RGS6: variants seen among roughly 807,000 people sequenced by gnomAD.
RGS6 encodes regulator of G protein signaling 6, also known as regulator of G-protein signaling 6.
In RGS6, 30 loss-of-function variants were observed where a neutral mutation model predicts 78.5. That is an observed-to-expected ratio of 0.38 (90% CI 0.29 to 0.52). The LOEUF is 0.52. RGS6 is among the 20% of genes least tolerant of loss of function. RGS6 has a pLI of 0.85. For synonymous variants in RGS6, 206 were observed against 206.0 expected (o/e 1.00, Z 0.00); for missense variants, 495 against 609.7 (o/e 0.81, Z 1.98).
intron 2 of RGS6, among the ~76,000 whole-genome samples, chr14:72,049,660 C>T (rs916027958): frequency 2.6e-5 from 4 of 152,160 alleles, no homozygotes; most frequent in Admixed American, 6.5e-5. Context: ...CTTAGGATCT[C>T]CTAATGAGCA....
intron 2 of RGS6, among the ~76,000 whole-genome samples, chr14:72,192,581 A>C (rs1382387497): frequency 6.6e-6 from 1 of 152,216 alleles, no homozygotes; most frequent in Non-Finnish European, 1.5e-5. Flanking sequence ...TTTTCTTAAC[A>C]TTAACGCCTT....
At chr14:72,019,327 C>G (rs996242015) in intron 2 of RGS6, among the ~76,000 whole-genome samples, 2 of 152,166 alleles carry the variant, frequency 1.3e-5, no homozygotes, top group East Asian at 3.9e-4. Flanking sequence ...TCTAACACTC[C>G]TAATATATTT....
At chr14:72,595,371 G>A in the RGS6 span, among the ~76,000 whole-genome samples, 1 of 152,102 alleles carries the variant, frequency 6.6e-6, no homozygotes, top group Non-Finnish European at 1.5e-5. Flanking sequence ...GAACTCAAAG[G>A]TAAGATGAAC....
At chr14:72,146,507 A>T (rs933050682) in intron 2 of RGS6, among the ~76,000 whole-genome samples, 2 of 152,152 alleles carry the variant, frequency 1.3e-5, no homozygotes, top group African/African-American at 4.8e-5. Context: ...CCTGAGGCAA[A>T]TTCCCCTCCA....
At chr14:72,274,872 A>AATT (rs2153933702) in intron 2 of RGS6, among the ~76,000 whole-genome samples, 1 of 152,382 alleles carries the variant, frequency 6.6e-6, no homozygotes, top group Admixed American at 6.5e-5. Flanking sequence ...TGCTGCTTTA[A>AATT]GTCACTGAGT....
intron 2 of RGS6, among the ~76,000 whole-genome samples, chr14:72,346,537 G>A (rs552229791): frequency 2.6e-5 from 4 of 152,304 alleles, no homozygotes; most frequent in African/African-American, 9.6e-5. Flanking sequence ...GAATCCACCT[G>A]GTAAGACAGA....
chr14:72,099,137 A>G (rs1303049351), intron 2 of RGS6, among the ~76,000 whole-genome samples: 3 of 152,142 alleles, frequency 2.0e-5, no homozygotes, highest in South Asian at 2.1e-4. Flanking sequence ...TGCTTTTACT[A>G]TCTCCATCTT....
intron 2 of RGS6, among the ~76,000 whole-genome samples, chr14:72,006,801 C>T (rs2084658798): frequency 6.6e-6 from 1 of 152,160 alleles, no homozygotes; most frequent in Non-Finnish European, 1.5e-5. Context: ...ACTAGAGGTG[C>T]AGTGCTTATG....
intron 2 of RGS6, among the ~76,000 whole-genome samples, chr14:72,175,991 G>T (rs1189484394): frequency 6.6e-6 from 1 of 152,090 alleles, no homozygotes; most frequent in Admixed American, 6.5e-5. Flanking sequence ...TCACCACCAG[G>T]CTTCTCTCCA....
intron 2 of RGS6, among the ~76,000 whole-genome samples, chr14:72,312,449 T>C (rs577819653): frequency 7.2e-5 from 11 of 152,302 alleles, no homozygotes; most frequent in African/African-American, 2.6e-4. Context: ...TCGTTTTATG[T>C]CTTAGTAGGA....
At chr14:72,197,145 T>C (rs1210392003) in intron 2 of RGS6, among the ~76,000 whole-genome samples, 2 of 152,176 alleles carry the variant, frequency 1.3e-5, no homozygotes, top group Admixed American at 1.3e-4. Context: ...GGCTCACTTC[T>C]ACCTCTGTCT....
At chr14:72,448,279 G>C (rs1172206503) in intron 3 of RGS6, among the ~76,000 whole-genome samples, 1 of 152,188 alleles carries the variant, frequency 6.6e-6, no homozygotes, top group African/African-American at 2.4e-5. Flanking sequence ...AAGCAAGTGA[G>C]TGTGAAATTT....
intron 2 of RGS6, among the ~76,000 whole-genome samples, chr14:72,170,518 A>G (rs1417851638): frequency 6.6e-6 from 1 of 152,178 alleles, no homozygotes; most frequent in African/African-American, 2.4e-5. Context: ...CACAATTCCT[A>G]TGAGAGCCCA....
At chr14:72,207,906 T>C (rs768264738) in intron 2 of RGS6, among the ~76,000 whole-genome samples, 18 of 152,144 alleles carry the variant, frequency 1.2e-4, no homozygotes, top group Non-Finnish European at 2.6e-4. Context: ...CCTCCTGAGA[T>C]TGTTAATTGG....
At chr14:71,988,057 T>C (rs2094796600) in intron 2 of RGS6, among the ~76,000 whole-genome samples, 1 of 152,086 alleles carries the variant, frequency 6.6e-6, no homozygotes, top group African/African-American at 2.4e-5. Flanking sequence ...TTGTGACATA[T>C]AGTGGCTGAC....
chr14:72,270,956 C>T (rs992818147), intron 2 of RGS6, among the ~76,000 whole-genome samples: 8 of 152,164 alleles, frequency 5.3e-5, no homozygotes, highest in Admixed American at 6.5e-5. Context: ...TATTGACCAC[C>T]TACTATATGC....
chr14:72,396,899 T>C (rs530619703), intron 3 of RGS6, among the ~76,000 whole-genome samples: 20 of 152,338 alleles, frequency 1.3e-4, no homozygotes, highest in Admixed American at 1.2e-3. Flanking sequence ...TTTCCATTGG[T>C]CTATATCTCT....
At chr14:72,423,518 C>T (rs2094298729) in intron 3 of RGS6, among the ~76,000 whole-genome samples, 1 of 152,236 alleles carries the variant, frequency 6.6e-6, no homozygotes. Flanking sequence ...GTATTCTTCA[C>T]AGCAACAGGA....
chr14:71,995,908 G>T (rs1209357232), intron 2 of RGS6, among the ~76,000 whole-genome samples: 5 of 152,106 alleles, frequency 3.3e-5, no homozygotes, highest in Non-Finnish European at 5.9e-5. Context: ...ATCTCACTTG[G>T]TGGAGCTCCT....
Sources: gnomAD v4.1 joint callset for allele counts (sites outside exome capture counted in the v4.1 genomes callset) on GRCh38, gnomAD v4.1.1 for gene constraint, MANE v1.5 for transcripts, NCBI Gene and HGNC (gene_info 2026-07-23, HGNC 2026-07-21) for gene names.